Variants in CRTC1 observed in about 807,000 individuals in gnomAD.
CRTC1 encodes CREB-regulated transcription coactivator 1.
Under a neutral mutation model 66.1 loss-of-function variants are expected in CRTC1, and 18 were observed. The observed-to-expected ratio is 0.27, with a 90% confidence interval of 0.19 to 0.40. The LOEUF (loss-of-function observed/expected upper bound fraction) is 0.40. Among genes scored for constraint, CRTC1 ranks in the 10% least tolerant of loss-of-function variants. CRTC1 has a pLI of 1.00. For synonymous variants in CRTC1, 416 were observed against 398.8 expected (o/e 1.04, Z -0.51); for missense variants, 669 against 887.9 (o/e 0.75, Z 3.13).
At chr19:18,687,282 C>T (rs914762556) in intron 1 of CRTC1, among the ~76,000 whole-genome samples, 5 of 152,096 alleles carry the variant, frequency 3.3e-5, no homozygotes, top group Non-Finnish European at 7.4e-5. Context: ...CCTCGGCCTC[C>T]CAAATTGCTG....
chr19:18,711,851 C>G (rs1275633067), intron 1 of CRTC1, among the ~76,000 whole-genome samples: 1 of 152,166 alleles, frequency 6.6e-6, no homozygotes, highest in Non-Finnish European at 1.5e-5. Context: ...ACTTTGGGCC[C>G]CTCCACCCAC....
At chr19:18,734,805 T>A (rs2053963247) in intron 1 of CRTC1, among the ~76,000 whole-genome samples, 1 of 152,168 alleles carries the variant, frequency 6.6e-6, no homozygotes, top group Non-Finnish European at 1.5e-5. Flanking sequence ...GGAGGGTCCG[T>A]CAGGGCTGGC....
intron 1 of CRTC1, among the ~76,000 whole-genome samples, chr19:18,686,060 C>T (rs547124211): frequency 3.2e-4 from 48 of 152,144 alleles, no homozygotes; most frequent in Non-Finnish European, 6.5e-4. Context: ...TTTATCCACC[C>T]AGAAAGAAAC....
rs979682232 is a variant in CRTC1, at chr19:18,759,111, G to A, written c.625-440G>A. Among the ~76,000 whole-genome samples, 16 of 152,302 alleles carry A rather than the reference G, an allele frequency of 1.1e-4. 1 individual carries two copies. Among genetic ancestry groups the A allele is most frequent in the South Asian group, 4.1e-4 (2 of 4,830 alleles). ...TCCCAGCCACTCGGGAGGCTGAGGC[G>A]GGAAGATCATGAGCTCAGGAGGTTG... On this transcript the variant is annotated intron_variant, in intron 6 of 13. Transcript: ENST00000321949.
Position 18,759,567 on chromosome 19 carries a change from A to G in CRTC1, c.641A>G (p.Lys214Arg). 6.2e-7 allele frequency: 1 copy of G among 1,613,216 alleles called. No individual in the cohort carries two copies. Among genetic ancestry groups the G allele is most frequent in the South Asian group, 1.1e-5 (1 of 90,930 alleles). The change falls in exon 7 of 14, where the codon AAG (lysine) becomes AGG (arginine). Residue 214 changes from lysine to arginine, a missense_variant. By Grantham distance (26) the Lys-to-Arg change is conservative. Transcript: ENST00000321949. The stretch of plus-strand genomic sequence containing the variant: ...CTCTTTCAGACGGGGTCCAGGCCCA[A>G]GTCCTGTGAGGTCCCCGGAATCAAG... ...WDTKKTGSRP[K>R]SCEVPGINIF...
At chr19:18,749,739 C>T (rs1305373563) in intron 4 of CRTC1, 42 bp from the exon 5 acceptor site, 2 of 1,526,992 alleles carry the variant, frequency 1.3e-6, no homozygotes, top group Non-Finnish European at 1.8e-6. Context: ...GCATTGTCTG[C>T]CTTGGGCTGA....
chr19:18,775,581 G>A, intron 12 of CRTC1, 60 bp from the exon 13 acceptor site: 1 of 1,421,422 alleles, frequency 7.0e-7, no homozygotes, highest in Non-Finnish European at 9.4e-7. Context: ...CAAGGGCTTG[G>A]GGTGGCCAGC....
rs1191067113 is a variant in CRTC1 at position 18,704,023 on chromosome 19, C to G, written c.126+20195C>G. Among the ~76,000 whole-genome samples, 4 of 152,176 alleles carry G rather than the reference C, an allele frequency of 2.6e-5. No homozygotes were observed. The East Asian group carries it at 7.7e-4, about 29-fold the overall frequency. ...GCTGGTCAGGTGTTTTGTGGAATGT[C>G]CTTATTGTGGTCTTGTGGAGGTTTT... is the stretch of plus-strand genomic sequence containing the variant. On this transcript the variant is annotated intron_variant, in intron 1 of 13. Transcript: ENST00000321949.
intron 2 of CRTC1, 23 bp from the exon 3 acceptor site, chr19:18,745,800 G>C (rs773096415): frequency 7.4e-6 from 12 of 1,613,348 alleles, no homozygotes; most frequent in Admixed American, 5.0e-5. Context: ...CTCTCTCTCT[G>C]TTTCCATCTC....
At position 18,692,972 on chromosome 19, in the gene CRTC1, G is replaced by A. The variant is rs192876526; in HGVS notation, c.126+9144G>A. Among the ~76,000 whole-genome samples the A allele has an allele frequency of 3.3e-3, 493 of 151,532 alleles. 1 individual carries two copies. Among genetic ancestry groups the A allele is most frequent in the African/African-American group, 9.3e-3 (383 of 41,220 alleles). ...TGCCTGTAGTCCCAGCTACTCGGGA[G>A]GCTGAGACAGGAGAATCGCTTGAAC... On this transcript the variant is annotated intron_variant, in intron 1 of 13. Transcript: ENST00000321949.
At chr19:18,694,298 C>CAAAAA (rs202211420) in intron 1 of CRTC1, among the ~76,000 whole-genome samples, 1 of 91,314 alleles carries the variant, frequency 1.1e-5, no homozygotes, top group African/African-American at 4.1e-5. Context: ...GACTCCATCT[C>CAAAAA]AAAAAAAAAA....
At chr19:18,685,877 C>T (rs1195986570) in intron 1 of CRTC1, among the ~76,000 whole-genome samples, 1 of 152,018 alleles carries the variant, frequency 6.6e-6, no homozygotes, top group Non-Finnish European at 1.5e-5. Context: ...CCAGTTTCTG[C>T]GTGGGATTGG....
At chr19:18,750,393 A>T (rs1292448016) in intron 5 of CRTC1, among the ~76,000 whole-genome samples, 1 of 152,170 alleles carries the variant, frequency 6.6e-6, no homozygotes, top group Admixed American at 6.5e-5. Context: ...TCTTGGCCAG[A>T]GTGTCGCCTC....
At chr19:18,705,184 T>C (rs2053236068) in intron 1 of CRTC1, among the ~76,000 whole-genome samples, 1 of 152,206 alleles carries the variant, frequency 6.6e-6, no homozygotes, top group Admixed American at 6.5e-5. Context: ...CATCTGTTGA[T>C]GGACATTTGG....
chr19:18,766,233 G>A (rs924945135), intron 9 of CRTC1, among the ~76,000 whole-genome samples: 2 of 148,646 alleles, frequency 1.3e-5, no homozygotes, highest in South Asian at 2.1e-4. Flanking sequence ...CCATTCACCT[G>A]CCTCAGCCTT....
intron 2 of CRTC1, among the ~76,000 whole-genome samples, chr19:18,743,828 C>T (rs1339632213): frequency 6.6e-6 from 1 of 152,276 alleles, no homozygotes; most frequent in Non-Finnish European, 1.5e-5. Flanking sequence ...TGCGGGCCAT[C>T]ACTGATGCTG....
In CRTC1 at chr19:18,740,851, C is replaced by CA. The variant is rs573047160; in HGVS notation, c.127-2048dup. Among the ~76,000 whole-genome samples the CA allele has an allele frequency of 2.3e-3, 340 of 145,740 alleles. 3 individuals are homozygous for CA. Among genetic ancestry groups the CA allele is most frequent in the Middle Eastern group, 6.9e-3 (2 of 288 alleles). On this transcript the variant is annotated intron_variant, in intron 1 of 13. Coordinates refer to ENST00000321949, the MANE Select transcript of CRTC1 (RefSeq NM_015321.3). ...AAAAACTCTGTCTCTACTAGAAATA[C>CA]AAAAAAAAAAATTAGCCAGGCATGG... is the stretch of plus-strand genomic sequence containing the variant.
At chr19:18,762,508 G>C (rs553410140) in intron 8 of CRTC1, among the ~76,000 whole-genome samples, 31 of 152,258 alleles carry the variant, frequency 2.0e-4, no homozygotes, top group Non-Finnish European at 4.6e-4. Context: ...AAGGAAGACA[G>C]AGGCCTTCGC....
intron 1 of CRTC1, among the ~76,000 whole-genome samples, chr19:18,715,708 G>T (rs763053810): frequency 6.6e-6 from 1 of 152,330 alleles, no homozygotes; most frequent in African/African-American, 2.4e-5. Flanking sequence ...TTTTGCTTTC[G>T]TCATTTGTGT....
Sources: gnomAD v4.1 joint callset for allele counts (sites outside exome capture counted in the v4.1 genomes callset) on GRCh38, gnomAD v4.1.1 for gene constraint, MANE v1.5 for transcripts, NCBI Gene and HGNC (gene_info 2026-07-23, HGNC 2026-07-21) for gene names.